Variants in SGCZ observed in about 807,000 individuals in gnomAD.
SGCZ encodes the protein sarcoglycan zeta.
Under a neutral mutation model 41.3 loss-of-function variants are expected in SGCZ, and 40 were observed. The ratio of observed to expected loss-of-function variants is 0.97; its 90% confidence interval spans 0.75 to 1.26. The LOEUF is 1.26. Among genes scored for constraint, SGCZ ranks in the 50% most tolerant of loss-of-function variants. The pLI is 0.00. For missense variants in SGCZ, 552 were observed against 369.8 expected (o/e 1.49, Z -4.04); for synonymous variants, 206 against 137.5 (o/e 1.50, Z -3.49).
At chr8:15,180,462 T>G (rs1305233809) in intron 1 of SGCZ, among the ~76,000 whole-genome samples, 1 of 152,210 alleles carries the variant, frequency 6.6e-6, no homozygotes, top group Non-Finnish European at 1.5e-5. Flanking sequence ...TGGAAATTAT[T>G]CTACATCTGC....
At chr8:14,211,642 A>T (rs921261532) in intron 4 of SGCZ, among the ~76,000 whole-genome samples, 1 of 147,284 alleles carries the variant, frequency 6.8e-6, no homozygotes, top group Admixed American at 6.7e-5. Context: ...TCTTACCACA[A>T]TTAAGCAGGA....
At chr8:15,152,035 G>C (rs961020178) in intron 1 of SGCZ, among the ~76,000 whole-genome samples, 5 of 152,094 alleles carry the variant, frequency 3.3e-5, no homozygotes, top group African/African-American at 1.2e-4. Flanking sequence ...AAATAAGAAA[G>C]TATCATAAAA....
intron 1 of SGCZ, among the ~76,000 whole-genome samples, chr8:14,952,372 G>A (rs1011723862): frequency 2.6e-5 from 4 of 151,778 alleles, no homozygotes; most frequent in African/African-American, 7.3e-5. Flanking sequence ...TAGGTTCAGC[G>A]GATACCCACA....
At position 15,216,419 on chromosome 8, in the gene SGCZ, A is replaced by T. The variant is rs554947226; in HGVS notation, c.39+21166T>A. Among the ~76,000 whole-genome samples the T allele has an allele frequency of 2.5e-3, 374 of 151,832 alleles. 3 individuals are homozygous for T. Among genetic ancestry groups the T allele is most frequent in the African/African-American group, 8.5e-3 (353 of 41,410 alleles). On this transcript the variant is annotated intron_variant, in intron 1 of 7. Coordinates refer to ENST00000382080, the MANE Select transcript of SGCZ (RefSeq NM_139167.4). ...ATATTTTTAGTAGAGACGGAGTTTC[A>T]CCGTGTTCGCCAGGATGGTCTCGAT...
chr8:15,018,192 G>A (rs1033554626), intron 1 of SGCZ, among the ~76,000 whole-genome samples: 2 of 152,094 alleles, frequency 1.3e-5, no homozygotes, highest in African/African-American at 2.4e-5. Context: ...ATTTTATCGT[G>A]CATACACAAA....
chr8:14,644,999 C>G (rs17317521), intron 1 of SGCZ, among the ~76,000 whole-genome samples: 22,269 of 150,774 alleles, frequency 0.15, 2,017 homozygotes, highest in Admixed American at 0.22. Flanking sequence ...GGCCTACAGT[C>G]TATCTGCAGG....
chr8:14,657,900 T>C (rs1807626522), intron 1 of SGCZ, among the ~76,000 whole-genome samples: 2 of 152,184 alleles, frequency 1.3e-5, no homozygotes, highest in East Asian at 3.9e-4. Flanking sequence ...AGAATCAGGC[T>C]TTGGATTTCA....
intron 1 of SGCZ, among the ~76,000 whole-genome samples, chr8:15,213,615 A>C (rs1040357530): frequency 6.6e-6 from 1 of 151,738 alleles, no homozygotes; most frequent in African/African-American, 2.4e-5. Context: ...AAAGTGCCAC[A>C]TTCCTACATA....
intron 3 of SGCZ, among the ~76,000 whole-genome samples, chr8:14,301,952 T>G (rs1183831920): frequency 6.6e-6 from 1 of 152,166 alleles, no homozygotes; most frequent in African/African-American, 2.4e-5. Flanking sequence ...CAAGGCTGCC[T>G]TTCATTTACA....
chr8:14,608,797 G>A (rs1316033265), intron 1 of SGCZ, among the ~76,000 whole-genome samples: 2 of 151,742 alleles, frequency 1.3e-5, no homozygotes, highest in Non-Finnish European at 2.9e-5. Context: ...GATTTGGAGG[G>A]GACAAATATT....
chr8:14,837,268 T>C (rs2130616885), intron 1 of SGCZ, among the ~76,000 whole-genome samples: 1 of 152,320 alleles, frequency 6.6e-6, no homozygotes, highest in Admixed American at 6.5e-5. Context: ...AGGTGACATT[T>C]GCACAAAGAT....
In SGCZ at chr8:14,087,581, C is replaced by G. The variant is rs1258333725; in HGVS notation, c.*2862G>C. On this transcript the variant is annotated 3_prime_UTR_variant, in exon 8 of 8. Coordinates refer to ENST00000382080, the MANE Select transcript of SGCZ (RefSeq NM_139167.4). ...AGTACACTATAAAGGACTCATTTTT[C>G]TCAGTGTCATTTGGGGAAGATGAAA... 1.3e-5 allele frequency among the ~76,000 whole-genome samples: 2 copies of G among 151,482 alleles called. No individual in the cohort carries two copies. The highest frequency in any genetic ancestry group is 6.6e-5 in the Admixed American group (1 of 15,172).
intron 1 of SGCZ, among the ~76,000 whole-genome samples, chr8:14,581,430 T>C (rs1804884818): frequency 6.6e-6 from 1 of 151,978 alleles, no homozygotes. Flanking sequence ...TACTATGTTT[T>C]TTGTTTGTTT....
chr8:14,120,855 C>G (rs576312492), intron 5 of SGCZ, among the ~76,000 whole-genome samples: 30 of 151,924 alleles, frequency 2.0e-4, no homozygotes, highest in African/African-American at 7.2e-4. Flanking sequence ...ATAATTTTAC[C>G]AAAAACTTTG....
intron 3 of SGCZ, among the ~76,000 whole-genome samples, chr8:14,253,437 T>A (rs893799281): frequency 6.6e-6 from 1 of 152,124 alleles, no homozygotes; most frequent in African/African-American, 2.4e-5. Flanking sequence ...TCAATTACAT[T>A]TCCTTGAAAG....
chr8:15,132,457 G>A (rs4831685), intron 1 of SGCZ, among the ~76,000 whole-genome samples: 93,769 of 151,960 alleles, frequency 0.62, 29,450 homozygotes, highest in Admixed American at 0.73. Context: ...CAATAGGCAA[G>A]GCATGAATGA....
intron 1 of SGCZ, among the ~76,000 whole-genome samples, chr8:14,650,419 G>C (rs1210009628): frequency 6.6e-6 from 1 of 151,930 alleles, no homozygotes; most frequent in Non-Finnish European, 1.5e-5. Context: ...TCATGTCATG[G>C]GGGTTTGTTG....
At chr8:14,101,728 A>G (rs1460193109) in intron 7 of SGCZ, among the ~76,000 whole-genome samples, 2 of 152,020 alleles carry the variant, frequency 1.3e-5, no homozygotes, top group Non-Finnish European at 2.9e-5. Flanking sequence ...ACAAACAACC[A>G]AAGTGCTTTC....
At chr8:14,334,359 AT>A (rs1158835448) in intron 2 of SGCZ, among the ~76,000 whole-genome samples, 2 of 152,076 alleles carry the variant, frequency 1.3e-5, no homozygotes, top group African/African-American at 4.8e-5. Context: ...AAACTGACAT[AT>A]TTTTTTCCTC....
Sources: allele counts gnomAD v4.1 joint callset (sites outside exome capture counted in the v4.1 genomes callset), GRCh38; gene constraint gnomAD v4.1.1; transcripts MANE v1.5; gene names NCBI Gene and HGNC (gene_info 2026-07-23, HGNC 2026-07-21).